The following ATXN7L1 variants were observed in gnomAD, a reference collection of about 807,000 sequenced individuals.
The protein encoded by ATXN7L1 is ataxin-7-like protein 1.
Under a neutral mutation model 70.8 loss-of-function variants are expected in ATXN7L1, and 15 were observed. The ratio of observed to expected loss-of-function variants is 0.21; its 90% CI spans 0.14 to 0.33. The LOEUF (loss-of-function observed/expected upper bound fraction) is 0.33, where lower values mean the gene tolerates loss of function less well. Ranked by LOEUF, ATXN7L1 falls within the 10% of genes least tolerant of loss-of-function variation. The pLI is 1.00. For synonymous variants in ATXN7L1, 440 were observed against 445.1 expected (o/e 0.99, Z 0.14); for missense variants, 975 against 1,097.1 (o/e 0.89, Z 1.57).
At chr7:105,782,746 C>A (rs479506) in intron 3 of ATXN7L1, among the ~76,000 whole-genome samples, 1 of 152,074 alleles carries the variant, frequency 6.6e-6, no homozygotes, top group Non-Finnish European at 1.5e-5. Flanking sequence ...TGAATGTAAA[C>A]CAATATTTGC....
intron 2 of ATXN7L1, among the ~76,000 whole-genome samples, chr7:105,795,556 G>A (rs1585025580): frequency 6.6e-6 from 1 of 152,284 alleles, no homozygotes; most frequent in Non-Finnish European, 1.5e-5. Context: ...TTGACATTAT[G>A]AAGCAACAAC....
intron 3 of ATXN7L1, among the ~76,000 whole-genome samples, chr7:105,697,513 T>C (rs1461885885): frequency 6.6e-6 from 1 of 152,236 alleles, no homozygotes; most frequent in Non-Finnish European, 1.5e-5. Context: ...TGTTATCCTG[T>C]TCTTTTTTCA....
At chr7:105,687,774 G>A (rs182928402) in intron 3 of ATXN7L1, among the ~76,000 whole-genome samples, 1 of 152,240 alleles carries the variant, frequency 6.6e-6, no homozygotes, top group East Asian at 1.9e-4. Flanking sequence ...TCCTCCTTGG[G>A]CTGTGTTTCA....
At chr7:105,732,830 G>C (rs745516223) in intron 3 of ATXN7L1, among the ~76,000 whole-genome samples, 2 of 152,166 alleles carry the variant, frequency 1.3e-5, no homozygotes, top group Non-Finnish European at 2.9e-5. Context: ...GCTCATAGCT[G>C]TTCCTCAAAC....
intron 2 of ATXN7L1, among the ~76,000 whole-genome samples, chr7:105,822,513 A>T (rs1032896725): frequency 2.6e-5 from 4 of 152,186 alleles, no homozygotes; most frequent in Non-Finnish European, 5.9e-5. Context: ...GTGGTGGAAT[A>T]AACTCAGGGA....
intron 2 of ATXN7L1, among the ~76,000 whole-genome samples, chr7:105,865,111 G>C (rs1817212587): frequency 6.6e-6 from 1 of 152,162 alleles, no homozygotes; most frequent in Non-Finnish European, 1.5e-5. Context: ...CAGCTCTTAA[G>C]ACAAAGGCGA....
chr7:105,807,686 G>A (rs946938860), intron 2 of ATXN7L1, among the ~76,000 whole-genome samples: 1 of 152,210 alleles, frequency 6.6e-6, no homozygotes, highest in Admixed American at 6.5e-5. Context: ...CATGTGGAAA[G>A]CCCGGGCTGG....
intron 2 of ATXN7L1, among the ~76,000 whole-genome samples, chr7:105,843,904 T>A (rs1012701871): frequency 1.3e-5 from 2 of 152,216 alleles, no homozygotes; most frequent in Non-Finnish European, 2.9e-5. Flanking sequence ...CTCTCACAGT[T>A]CAATGGATTG....
intron 3 of ATXN7L1, among the ~76,000 whole-genome samples, chr7:105,744,862 C>T (rs913919948): frequency 2.0e-5 from 3 of 151,734 alleles, no homozygotes; most frequent in Non-Finnish European, 4.4e-5. Context: ...CTCAGCCTCC[C>T]GAGTAGCTGG....
chr7:105,682,215 C>A (rs187076074), intron 3 of ATXN7L1, among the ~76,000 whole-genome samples: 1 of 151,884 alleles, frequency 6.6e-6, no homozygotes, highest in East Asian at 1.9e-4. Flanking sequence ...CAGAGCTAGA[C>A]CCCGTCTCAA....
intron 3 of ATXN7L1, among the ~76,000 whole-genome samples, chr7:105,682,292 C>G (rs1805646752): frequency 6.6e-6 from 1 of 152,116 alleles, no homozygotes; most frequent in South Asian, 2.1e-4. Flanking sequence ...AATGTGAATA[C>G]ACTTAATTCC....
chr7:105,669,141 G>A (rs1803124552), intron 3 of ATXN7L1, among the ~76,000 whole-genome samples: 1 of 152,116 alleles, frequency 6.6e-6, no homozygotes, highest in South Asian at 2.1e-4. Context: ...AGAGTCCAGC[G>A]GCGTGATCTT....
At position 105,800,899 on chromosome 7, in the gene ATXN7L1, C is replaced by T. The variant is rs747047370; in HGVS notation, c.251-12191G>A. On this transcript the variant is annotated intron_variant, in intron 2 of 11. Coordinates refer to ENST00000419735, the MANE Select transcript of ATXN7L1 (RefSeq NM_020725.2). ...ATTTAGCTGAATTTTAGCCTGAATT[C>T]GCTAAGTAAAAAGCCAAAGACCCTC... Among the ~76,000 whole-genome samples the T allele has an allele frequency of 9.6e-4, 146 of 152,262 alleles. 1 individual carries two copies. Among genetic ancestry groups the T allele is most frequent in the Non-Finnish European group, 2.6e-4 (18 of 68,024 alleles).
intron 3 of ATXN7L1, among the ~76,000 whole-genome samples, chr7:105,696,241 G>A (rs752914767): frequency 1.6e-4 from 24 of 152,170 alleles, no homozygotes; most frequent in Non-Finnish European, 1.2e-4. Context: ...GCAGCTTGGC[G>A]GGAGGTATAT....
chr7:105,757,740 G>A (rs1432053330), intron 3 of ATXN7L1, among the ~76,000 whole-genome samples: 1 of 145,322 alleles, frequency 6.9e-6, no homozygotes, highest in African/African-American at 2.7e-5. Flanking sequence ...GCAAAACCCC[G>A]CCTGGCTAAT....
chr7:105,651,563 A>C (rs1799844822), intron 4 of ATXN7L1, among the ~76,000 whole-genome samples: 1 of 152,182 alleles, frequency 6.6e-6, no homozygotes. Flanking sequence ...AGCCTTCCAC[A>C]TTCATGCAGA....
intron 4 of ATXN7L1, among the ~76,000 whole-genome samples, chr7:105,645,320 CAA>C (rs1291848146): frequency 6.6e-5 from 10 of 152,108 alleles, no homozygotes; most frequent in Admixed American, 6.5e-4. Context: ...ATGCAAATTA[CAA>C]AACTCTTACA....
At chr7:105,766,674 C>T (rs968209755) in intron 3 of ATXN7L1, among the ~76,000 whole-genome samples, 13 of 152,218 alleles carry the variant, frequency 8.5e-5, no homozygotes, top group African/African-American at 3.1e-4. Flanking sequence ...AGTGACGGCT[C>T]CAAGGGAAAC....
chr7:105,610,198 G>A (rs1415468780), intron 11 of ATXN7L1, among the ~76,000 whole-genome samples: 1 of 152,228 alleles, frequency 6.6e-6, no homozygotes, highest in Non-Finnish European at 1.5e-5. Context: ...CGCTCATACA[G>A]CTGGTAATAA....
Sources: gnomAD v4.1 joint callset for allele counts (sites outside exome capture counted in the v4.1 genomes callset) on GRCh38, gnomAD v4.1.1 for gene constraint, MANE v1.5 for transcripts, NCBI Gene and HGNC (gene_info 2026-07-23, HGNC 2026-07-21) for gene names.